The following B4GALT5 variants were observed in gnomAD, a reference collection of about 807,000 sequenced individuals.
B4GALT5 encodes the protein beta-1,4-galactosyltransferase 5, also known as UDP-Gal:beta-GlcNAc beta-1,4-galactosyltransferase 5.
A neutral mutation model predicts 45.0 loss-of-function variants in B4GALT5; 11 were observed. The ratio of observed to expected loss-of-function variants is 0.24; its 90% CI spans 0.15 to 0.40. The LOEUF is 0.40. Ranked by LOEUF, B4GALT5 falls within the 10% of genes least tolerant of loss-of-function variation. The pLI is 1.00. For synonymous variants in B4GALT5, 185 were observed against 182.9 expected (o/e 1.01, Z -0.09); for missense variants, 337 against 500.2 (o/e 0.67, Z 3.11).
chr20:49,642,022 A>G (rs1202491249), intron 5 of B4GALT5, among the ~76,000 whole-genome samples: 1 of 152,118 alleles, frequency 6.6e-6, no homozygotes, highest in Non-Finnish European at 1.5e-5. Context: ...CAATATTTTT[A>G]AGATTAAAAC....
At chr20:49,704,748 A>C (rs6067189) in intron 1 of B4GALT5, among the ~76,000 whole-genome samples, 77,388 of 151,354 alleles carry the variant, frequency 0.51, 20,022 homozygotes, top group South Asian at 0.65. Context: ...ACAAAAAAAA[A>C]CCACAACATT....
At chr20:49,709,908 T>C (rs931495445) in intron 1 of B4GALT5, among the ~76,000 whole-genome samples, 2 of 152,226 alleles carry the variant, frequency 1.3e-5, no homozygotes, top group African/African-American at 4.8e-5. Flanking sequence ...TTTCCTCATA[T>C]CCAATTTTCT....
intron 1 of B4GALT5, among the ~76,000 whole-genome samples, chr20:49,665,991 T>C (rs150085568): frequency 4.6e-5 from 7 of 152,032 alleles, no homozygotes; most frequent in Non-Finnish European, 1.0e-4. Flanking sequence ...CGCACTATAC[T>C]TGGGGTCTGA....
At chr20:49,706,197 C>A (rs373962489) in intron 1 of B4GALT5, among the ~76,000 whole-genome samples, 37 of 133,184 alleles carry the variant, frequency 2.8e-4, no homozygotes, top group Non-Finnish European at 3.0e-4. Context: ...AACTCCATCT[C>A]AAAAAAAAAA....
At chr20:49,661,446 A>G (rs1433726894) in intron 1 of B4GALT5, among the ~76,000 whole-genome samples, 4 of 152,074 alleles carry the variant, frequency 2.6e-5, no homozygotes, top group Admixed American at 2.6e-4. Context: ...TGTTGGCCAG[A>G]CTGGTCTTGA....
intron 2 of B4GALT5, among the ~76,000 whole-genome samples, chr20:49,650,069 T>G (rs1362851899): frequency 6.6e-6 from 1 of 152,188 alleles, no homozygotes; most frequent in African/African-American, 2.4e-5. Flanking sequence ...AGAGACAAGA[T>G]ATCACTAACT....
intron 1 of B4GALT5, among the ~76,000 whole-genome samples, chr20:49,666,130 T>G (rs2146341850): frequency 6.6e-6 from 1 of 152,314 alleles, no homozygotes; most frequent in East Asian, 1.9e-4. Flanking sequence ...GATTAAGGAC[T>G]GAACTTTTTA....
At chr20:49,665,937 C>T (rs140802103) in intron 1 of B4GALT5, among the ~76,000 whole-genome samples, 36 of 151,934 alleles carry the variant, frequency 2.4e-4, no homozygotes, top group African/African-American at 7.2e-4. Flanking sequence ...GAACATGAGA[C>T]GGGAGGCTAG....
At chr20:49,673,110 A>C (rs911717392) in intron 1 of B4GALT5, among the ~76,000 whole-genome samples, 17 of 152,104 alleles carry the variant, frequency 1.1e-4, no homozygotes, top group Non-Finnish European at 1.5e-4. Flanking sequence ...GGCCAGGCGC[A>C]GTGGCTCACA....
At chr20:49,642,218 CA>C (rs1453425942) in intron 5 of B4GALT5, among the ~76,000 whole-genome samples, 2 of 152,086 alleles carry the variant, frequency 1.3e-5, no homozygotes, top group Non-Finnish European at 2.9e-5. Flanking sequence ...CCAACAAAAC[CA>C]TAATACAAGA....
Position 49,664,470 on chromosome 20 carries a change from A to ACT in B4GALT5, c.116-7770_116-7769dup, listed in dbSNP as rs1555812187. Among the ~76,000 whole-genome samples, 1,227 of 143,428 alleles carry ACT rather than the reference A, an allele frequency of 8.6e-3. 7 individuals are homozygous for ACT. The highest frequency in any genetic ancestry group is 0.015 in the Middle Eastern group (4 of 270). The allele number at this position is 143,428 out of a possible 152,430, so 94.1% of individuals were successfully genotyped here. A position where few individuals can be genotyped will look rare whatever the true frequency, so the allele number is the denominator to read the frequency against. On this transcript the variant is annotated intron_variant, in intron 1 of 8. Transcript: ENST00000371711. ...CACACACACACACACACACACACACACTTTAGATTCTTCAGGCTGAAAGAA... is the reference window on the plus strand; with the variant it reads ...CACACACACACACACACACACACACACTCTTTAGATTCTTCAGGCTGAAAGAA...
intron 1 of B4GALT5, among the ~76,000 whole-genome samples, chr20:49,667,443 C>T (rs953519737): frequency 7.2e-5 from 11 of 151,844 alleles, no homozygotes; most frequent in Admixed American, 3.9e-4. Context: ...TTAGTAGAGA[C>T]GGGGTTTCAC....
At chr20:49,667,223 T>C (rs2085694635) in intron 1 of B4GALT5, among the ~76,000 whole-genome samples, 1 of 147,210 alleles carries the variant, frequency 6.8e-6, no homozygotes, top group South Asian at 2.2e-4. Flanking sequence ...CTTGGATCTT[T>C]TTGAAGTGTT....
intron 1 of B4GALT5, among the ~76,000 whole-genome samples, chr20:49,677,653 A>G (rs1382147544): frequency 6.6e-6 from 1 of 152,238 alleles, no homozygotes; most frequent in African/African-American, 2.4e-5. Flanking sequence ...CAAAAATTAC[A>G]TATAATCAGA....
intron 1 of B4GALT5, among the ~76,000 whole-genome samples, chr20:49,666,203 A>G (rs1190646196): frequency 6.6e-6 from 1 of 152,158 alleles, no homozygotes; most frequent in Admixed American, 6.5e-5. Flanking sequence ...CCCCCAGGTG[A>G]TTAATAAAAG....
intron 1 of B4GALT5, among the ~76,000 whole-genome samples, chr20:49,662,929 A>G (rs1437801771): frequency 1.3e-5 from 2 of 152,260 alleles, no homozygotes; most frequent in East Asian, 3.8e-4. Context: ...GACCATAAAA[A>G]AGAATGAGAA....
At chr20:49,673,240 C>T (rs1005059803) in intron 1 of B4GALT5, among the ~76,000 whole-genome samples, 4 of 152,108 alleles carry the variant, frequency 2.6e-5, no homozygotes, top group Admixed American at 2.6e-4. Flanking sequence ...ATTAGCTGGG[C>T]GTGGTGGTGG....
intron 1 of B4GALT5, among the ~76,000 whole-genome samples, chr20:49,666,383 A>AG (rs1335354721): frequency 4.6e-5 from 7 of 152,200 alleles, no homozygotes; most frequent in African/African-American, 1.2e-4. Flanking sequence ...CTTGGTGCTC[A>AG]GGGGGGTCTG....
intron 1 of B4GALT5, among the ~76,000 whole-genome samples, chr20:49,658,219 TA>T (rs1174917149): frequency 2.0e-5 from 3 of 151,876 alleles, no homozygotes; most frequent in Admixed American, 1.3e-4. Flanking sequence ...TTCCAATTAT[TA>T]AAAAAAAGTA....
Sources: gnomAD v4.1 joint callset for allele counts (sites outside exome capture counted in the v4.1 genomes callset) on GRCh38, gnomAD v4.1.1 for gene constraint, MANE v1.5 for transcripts, NCBI Gene and HGNC (gene_info 2026-07-23, HGNC 2026-07-21) for gene names.